Variants in MTA3 observed in about 807,000 individuals in gnomAD.
The protein encoded by MTA3 is metastasis-associated protein MTA3.
In MTA3, 34 loss-of-function variants were observed where a neutral mutation model predicts 83.5. That is an observed-to-expected ratio of 0.41 (90% CI 0.31 to 0.54). The LOEUF (loss-of-function observed/expected upper bound fraction) is 0.54. Among genes scored for constraint, MTA3 ranks in the 20% least tolerant of loss-of-function variants. MTA3 has a pLI of 0.33. For missense variants in MTA3, 761 were observed against 726.4 expected (o/e 1.05, Z -0.55); for synonymous variants, 303 against 252.7 (o/e 1.20, Z -1.89).
intron 8 of MTA3, among the ~76,000 whole-genome samples, chr2:42,670,467 T>A (rs1251465332): frequency 6.6e-6 from 1 of 152,168 alleles, no homozygotes; most frequent in Non-Finnish European, 1.5e-5. Flanking sequence ...TAAAGTAGAA[T>A]AAGCATTCTG....
intron 4 of MTA3, among the ~76,000 whole-genome samples, chr2:42,629,626 A>C (rs1326322821): frequency 6.6e-6 from 1 of 152,012 alleles, no homozygotes; most frequent in Non-Finnish European, 1.5e-5. Flanking sequence ...GGGGTTTTTA[A>C]GGCTTTTGGA....
At chr2:42,636,941 A>G (rs1271767923) in intron 4 of MTA3, among the ~76,000 whole-genome samples, 2 of 152,152 alleles carry the variant, frequency 1.3e-5, no homozygotes, top group African/African-American at 2.4e-5. Context: ...TTTCATTTAT[A>G]CAAATATGTA....
chr2:42,622,439 G>A (rs1165510080), intron 4 of MTA3, among the ~76,000 whole-genome samples: 4 of 151,134 alleles, frequency 2.6e-5, no homozygotes, highest in African/African-American at 4.9e-5. Flanking sequence ...GGAGGGAGAG[G>A]GATCTTATTA....
chr2:42,688,754 G>C (rs1032511535), intron 9 of MTA3, among the ~76,000 whole-genome samples: 1 of 151,638 alleles, frequency 6.6e-6, no homozygotes, highest in Non-Finnish European at 1.5e-5. Context: ...CAGTCATGCT[G>C]TCTGCACATA....
At chr2:42,530,932 C>T (rs537745924) in intron 2 of MTA3, among the ~76,000 whole-genome samples, 30 of 151,834 alleles carry the variant, frequency 2.0e-4, no homozygotes, top group African/African-American at 7.2e-4. Context: ...CAGGTTTAAG[C>T]AATTCTCCTG....
chr2:42,532,981 C>A (rs1399827448), intron 2 of MTA3: 1 of 190,200 alleles, frequency 5.3e-6, no homozygotes, highest in South Asian at 1.1e-4. Context: ...CATTAATTCT[C>A]TTAGCAAGAA....
chr2:42,641,629 C>T (rs751480016), intron 5 of MTA3, among the ~76,000 whole-genome samples: 13 of 152,046 alleles, frequency 8.6e-5, no homozygotes, highest in African/African-American at 3.1e-4. Context: ...GGGCGGATCA[C>T]GAGGTCAGGA....
intron 4 of MTA3, among the ~76,000 whole-genome samples, chr2:42,636,020 C>T (rs1687159156): frequency 6.6e-6 from 1 of 152,174 alleles, no homozygotes; most frequent in Non-Finnish European, 1.5e-5. Flanking sequence ...CTGCCCGCCT[C>T]AGCCTTATAG....
intron 16 of MTA3, among the ~76,000 whole-genome samples, chr2:42,724,224 G>A (rs1236197873): frequency 7.0e-6 from 1 of 142,386 alleles, no homozygotes; most frequent in Non-Finnish European, 1.5e-5. Flanking sequence ...CCACCTCCCT[G>A]GCCTTTCTAG....
At chr2:42,529,429 G>A (rs777838533) in intron 2 of MTA3, among the ~76,000 whole-genome samples, 3 of 152,198 alleles carry the variant, frequency 2.0e-5, no homozygotes, top group Non-Finnish European at 4.4e-5. Flanking sequence ...GTCCTTAGGT[G>A]CCAAGGGCCA....
At chr2:42,704,345 A>G (rs1298053771) in intron 12 of MTA3, 27 bp downstream of exon 12, 3 of 1,612,494 alleles carry the variant, frequency 1.9e-6, no homozygotes, top group Non-Finnish European at 2.5e-6. Context: ...AGGTCAGTTA[A>G]GCATCGGGAA....
chr2:42,717,136 T>G (rs1426348402), intron 14 of MTA3, among the ~76,000 whole-genome samples: 2 of 148,906 alleles, frequency 1.3e-5, no homozygotes, highest in South Asian at 2.2e-4. Flanking sequence ...AGTTTTTTTT[T>G]TTTTTTTTTT....
chr2:42,619,169 T>C (rs1448117261), intron 4 of MTA3, among the ~76,000 whole-genome samples: 1 of 152,196 alleles, frequency 6.6e-6, no homozygotes, highest in Non-Finnish European at 1.5e-5. Flanking sequence ...AAAATTCCAT[T>C]GTTCAGTAGT....
intron 3 of MTA3, among the ~76,000 whole-genome samples, chr2:42,607,011 T>C (rs1377638693): frequency 7.0e-6 from 1 of 141,950 alleles, no homozygotes. Context: ...TGAGCCGAGA[T>C]GGCAGCAGTA....
intron 9 of MTA3, 72 bp downstream of exon 9, chr2:42,682,661 T>TA (rs1375075775): frequency 7.4e-7 from 1 of 1,348,620 alleles, no homozygotes; most frequent in Non-Finnish European, 1.0e-6. Context: ...TGGTAAACCT[T>TA]ACAGTATTCA....
chr2:42,631,978 C>T (rs1686721774), intron 4 of MTA3, among the ~76,000 whole-genome samples: 1 of 152,060 alleles, frequency 6.6e-6, no homozygotes, highest in Non-Finnish European at 1.5e-5. Context: ...GCATGAGCCA[C>T]CAGGCCTGGC....
intron 13 of MTA3, among the ~76,000 whole-genome samples, chr2:42,708,597 GTTAACCC>G (rs368824667): frequency 3.9e-5 from 6 of 152,188 alleles, no homozygotes; most frequent in African/African-American, 1.4e-4. Flanking sequence ...AAAAAGTGTA[GTTAACCC>G]CCTTGGCAGT....
At chr2:42,551,972 C>T (rs1296952633) in intron 2 of MTA3, among the ~76,000 whole-genome samples, 1 of 151,768 alleles carries the variant, frequency 6.6e-6, no homozygotes, top group African/African-American at 2.4e-5. Flanking sequence ...TTGATCCACC[C>T]ACCTCGGCCT....
intron 3 of MTA3, among the ~76,000 whole-genome samples, chr2:42,584,665 C>T (rs938744966): frequency 2.0e-5 from 3 of 151,684 alleles, no homozygotes; most frequent in Non-Finnish European, 2.9e-5. Flanking sequence ...GAATTAGATA[C>T]CAGCCTGGAC....
Sources: allele counts gnomAD v4.1 joint callset (sites outside exome capture counted in the v4.1 genomes callset), GRCh38; gene constraint gnomAD v4.1.1; transcripts MANE v1.5; gene names NCBI Gene and HGNC (gene_info 2026-07-23, HGNC 2026-07-21).